Variants in BICD1 observed in about 807,000 individuals in gnomAD.
BICD1 encodes the protein protein bicaudal D homolog 1.
BICD1 carries 35 observed loss-of-function variants against 92.5 expected under a neutral mutation model. That is an observed-to-expected ratio of 0.38 (90% CI 0.29 to 0.50). The LOEUF is 0.50. BICD1 is among the 20% of genes least tolerant of loss of function. The probability of loss-of-function intolerance (pLI) is 0.93; values close to 1 mark genes in which losing one functional copy is unlikely to be tolerated. For synonymous variants in BICD1, 429 were observed against 465.1 expected, an observed-to-expected ratio of 0.92 and a Z score of 1.00; for missense variants, 950 against 1,189.8, an observed-to-expected ratio of 0.80 and a Z score of 2.97.
Position 32,366,937 on chromosome 12 carries a change from A to C in BICD1, c.2765-733A>C, listed in dbSNP as rs564001107. 2.8e-4 allele frequency among the ~76,000 whole-genome samples: 42 copies of C among 152,262 alleles called. 2 individuals carry two copies. The South Asian group carries it at 3.3e-3, about 12-fold the overall frequency. On this transcript the variant is annotated intron_variant, in intron 8 of 9. Transcript: ENST00000652176. ...TTGGAGTAGATGATTAACCCAGCTA[A>C]AGCTTGATTTTTACTAGCTAGCACT...
intron 1 of BICD1, among the ~76,000 whole-genome samples, chr12:32,124,887 G>A (rs1683039480): frequency 6.6e-6 from 1 of 152,136 alleles, no homozygotes; most frequent in Non-Finnish European, 1.5e-5. Flanking sequence ...TATGGGGCTT[G>A]TCAGTTTCTG....
chr12:32,351,579 G>T (rs186161865), intron 8 of BICD1, among the ~76,000 whole-genome samples: 9 of 148,474 alleles, frequency 6.1e-5, no homozygotes, highest in Admixed American at 6.1e-4. Context: ...TTATTTTGCA[G>T]AATGATCTAG....
chr12:32,346,296 C>A (rs1425288467), intron 8 of BICD1, among the ~76,000 whole-genome samples: 2 of 151,082 alleles, frequency 1.3e-5, no homozygotes, highest in Non-Finnish European at 3.0e-5. Context: ...GTGGGTGGAT[C>A]CCTTGAGGCC....
intron 2 of BICD1, among the ~76,000 whole-genome samples, chr12:32,236,257 T>C (rs1946070294): frequency 6.6e-6 from 1 of 151,706 alleles, no homozygotes; most frequent in Non-Finnish European, 1.5e-5. Flanking sequence ...TAGCTGGGTG[T>C]GGTGACGCAC....
rs1249834398 is a variant in BICD1, at chr12:32,317,666, G to T, written c.1006-9795G>T. On this transcript the variant is annotated intron_variant, in intron 4 of 9. Coordinates refer to ENST00000652176, the MANE Select transcript of BICD1 (RefSeq NM_001714.4). Reference sequence around the variant, plus strand: ...TTTTCTCTCATTCTGTAGGTTGCCTGTTCACTCTGATAGTAGTTTCTTTTG... The same window carrying T: ...TTTTCTCTCATTCTGTAGGTTGCCTTTTCACTCTGATAGTAGTTTCTTTTG... Among the ~76,000 whole-genome samples, 8 of 152,128 alleles carry T rather than the reference G, an allele frequency of 5.3e-5. No homozygotes were observed. In the East Asian group the frequency reaches 1.5e-3, roughly 29 times the overall value.
chr12:32,340,230 C>T (rs952203734), intron 8 of BICD1: 26 of 985,184 alleles, frequency 2.6e-5, no homozygotes, highest in Admixed American at 6.2e-5. Context: ...GTGCATTTCA[C>T]GTTCTAAAGG....
At chr12:32,226,699 T>C (rs1945706723) in intron 2 of BICD1, among the ~76,000 whole-genome samples, 4 of 151,896 alleles carry the variant, frequency 2.6e-5, no homozygotes, top group Admixed American at 2.6e-4. Flanking sequence ...GGCCCTCAAA[T>C]CCATGATGGG....
At chr12:32,339,047 G>A (rs1260079174) in intron 8 of BICD1, 68 bp downstream of exon 8, 86 of 1,459,582 alleles carry the variant, frequency 5.9e-5, no homozygotes, top group African/African-American at 8.8e-5. Context: ...CCTTCCTTCC[G>A]GTCACTCAGG....
rs368239913 is a variant in BICD1, at chr12:32,135,288, A to G, written c.213+27744A>G. Reference sequence around the variant, plus strand: ...TTTTTAGTAGAGATGGGCTTTCACCATGTTGGCCAGGCTGGTCTTGAACTT... The same window carrying G: ...TTTTTAGTAGAGATGGGCTTTCACCGTGTTGGCCAGGCTGGTCTTGAACTT... On this transcript the variant is annotated intron_variant, in intron 1 of 9. Transcript: ENST00000652176. 3.4e-5 allele frequency among the ~76,000 whole-genome samples: 5 copies of G among 146,496 alleles called. No homozygotes were observed. In the East Asian group the frequency reaches 6.1e-4, roughly 18 times the overall value.
intron 1 of BICD1, among the ~76,000 whole-genome samples, chr12:32,128,786 T>C (rs1942432359): frequency 6.6e-6 from 1 of 152,152 alleles, no homozygotes; most frequent in South Asian, 2.1e-4. Flanking sequence ...CTTTTTTTGT[T>C]TTTTAAGATA....
intron 5 of BICD1, among the ~76,000 whole-genome samples, chr12:32,331,026 C>T (rs186728555): frequency 1.1e-4 from 16 of 152,034 alleles, no homozygotes; most frequent in Middle Eastern, 6.8e-3. Flanking sequence ...CCCAGCTACT[C>T]GGGAGGCTGA....
intron 4 of BICD1, among the ~76,000 whole-genome samples, chr12:32,308,427 C>T (rs183673735): frequency 7.2e-5 from 11 of 152,256 alleles, no homozygotes; most frequent in Admixed American, 7.2e-4. Flanking sequence ...TAATACCTTC[C>T]TCGTTAGAGT....
At chr12:32,220,157 C>T (rs1160072691) in intron 2 of BICD1, among the ~76,000 whole-genome samples, 4 of 152,256 alleles carry the variant, frequency 2.6e-5, no homozygotes, top group Admixed American at 6.5e-5. Context: ...AAAACCTAGC[C>T]ATTACCATTC....
intron 2 of BICD1, among the ~76,000 whole-genome samples, chr12:32,235,967 G>T (rs1165514753): frequency 2.0e-5 from 3 of 151,138 alleles, no homozygotes; most frequent in Non-Finnish European, 4.4e-5. Flanking sequence ...CAAAGTGCTG[G>T]GATTACAGGC....
intron 1 of BICD1, among the ~76,000 whole-genome samples, chr12:32,210,549 T>C (rs1249067288): frequency 1.3e-5 from 2 of 152,196 alleles, no homozygotes; most frequent in African/African-American, 4.8e-5. Context: ...GAAAACAAAG[T>C]ACTTATTACA....
At chr12:32,116,460 CTG>C (rs59855225) in intron 1 of BICD1, among the ~76,000 whole-genome samples, 6,141 of 109,282 alleles carry the variant, frequency 0.056, 414 homozygotes, top group African/African-American at 0.18. Flanking sequence ...GTCTGTCTGT[CTG>C]TCTCTCTCTC....
In BICD1 at chr12:32,345,107, C is replaced by T. The variant is rs57276420; in HGVS notation, c.2764+6128C>T. 1.7e-3 allele frequency among the ~76,000 whole-genome samples: 259 copies of T among 151,980 alleles called. 1 individual carries two copies. Among genetic ancestry groups the T allele is most frequent in the African/African-American group, 6.0e-3 (249 of 41,468 alleles). On this transcript the variant is annotated intron_variant, in intron 8 of 9. Transcript: ENST00000652176. ...TCCGAGACTGGCCTGGGTAACATAG[C>T]GAGACCTCGTCTCTACATTAAAATT... is the stretch of plus-strand genomic sequence containing the variant.
intron 2 of BICD1, among the ~76,000 whole-genome samples, chr12:32,241,568 A>G (rs1457567721): frequency 6.6e-6 from 1 of 152,164 alleles, no homozygotes; most frequent in Non-Finnish European, 1.5e-5. Context: ...TTCTCTGTGT[A>G]TGGTTATGCA....
chr12:32,300,631 A>ACT (rs1948013767), intron 3 of BICD1, among the ~76,000 whole-genome samples: 6 of 80,566 alleles, frequency 7.4e-5, no homozygotes, highest in African/African-American at 2.3e-4. Flanking sequence ...ACTTTACAGT[A>ACT]TTTTTTTTTT....
Sources: allele counts gnomAD v4.1 joint callset (sites outside exome capture counted in the v4.1 genomes callset), GRCh38; gene constraint gnomAD v4.1.1; transcripts MANE v1.5; gene names NCBI Gene and HGNC (gene_info 2026-07-23, HGNC 2026-07-21).